The following SOBP variants were observed in gnomAD, a reference collection of about 807,000 sequenced individuals.
SOBP encodes sine oculis binding protein homolog.
Under a neutral mutation model 53.6 loss-of-function variants are expected in SOBP, and 4 were observed. The observed-to-expected ratio is 0.07, with a 90% CI of 0.04 to 0.17. The LOEUF (loss-of-function observed/expected upper bound fraction) is 0.17, where lower values mean the gene tolerates loss of function less well. Among genes scored for constraint, SOBP ranks in the 10% least tolerant of loss-of-function variants. SOBP has a pLI of 1.00. For synonymous variants in SOBP, 584 were observed against 522.6 expected (o/e 1.12, Z -1.60); for missense variants, 1,088 against 1,204.7 (o/e 0.90, Z 1.43).
chr6:107,631,528 G>A (rs534837610), intron 5 of SOBP, among the ~76,000 whole-genome samples: 92 of 152,240 alleles, frequency 6.0e-4, no homozygotes, highest in African/African-American at 2.2e-3. Context: ...TGAAAAATTT[G>A]AGGGTCTGAT....
At chr6:107,548,458 G>A (rs957738048) in intron 4 of SOBP, among the ~76,000 whole-genome samples, 13 of 152,022 alleles carry the variant, frequency 8.6e-5, no homozygotes, top group Admixed American at 2.6e-4. Flanking sequence ...TAGCCAGGAT[G>A]GTCTCCATCT....
chr6:107,563,397 A>G (rs1338863317), intron 4 of SOBP, among the ~76,000 whole-genome samples: 1 of 152,242 alleles, frequency 6.6e-6, no homozygotes, highest in Non-Finnish European at 1.5e-5. Flanking sequence ...CATTTTTATG[A>G]TTAGGAAATT....
At chr6:107,587,731 C>T (rs1446992191) in intron 5 of SOBP, among the ~76,000 whole-genome samples, 1 of 152,154 alleles carries the variant, frequency 6.6e-6, no homozygotes, top group Non-Finnish European at 1.5e-5. Flanking sequence ...GGGAGGATAT[C>T]AGCTGTGACA....
intron 4 of SOBP, among the ~76,000 whole-genome samples, chr6:107,581,255 C>G (rs902596760): frequency 6.6e-6 from 1 of 152,156 alleles, no homozygotes; most frequent in Non-Finnish European, 1.5e-5. Context: ...TGATGGCTTC[C>G]TAAAGGAGCT....
intron 2 of SOBP, among the ~76,000 whole-genome samples, chr6:107,504,865 G>C (rs994199211): frequency 6.6e-6 from 1 of 152,192 alleles, no homozygotes; most frequent in East Asian, 1.9e-4. Flanking sequence ...AATGAAAAAT[G>C]CAAGTCATGA....
chr6:107,505,489 T>G (rs1371133223), intron 2 of SOBP, among the ~76,000 whole-genome samples: 3 of 151,238 alleles, frequency 2.0e-5, no homozygotes, highest in Non-Finnish European at 4.4e-5. Context: ...GTCTGGCTGA[T>G]TTTTGTATTT....
intron 3 of SOBP, among the ~76,000 whole-genome samples, chr6:107,507,862 G>A (rs1783043344): frequency 1.3e-5 from 2 of 151,754 alleles, no homozygotes; most frequent in Non-Finnish European, 2.9e-5. Context: ...TATATTTCCA[G>A]AAAATTAGAT....
At chr6:107,587,763 G>A (rs1385000065) in intron 5 of SOBP, among the ~76,000 whole-genome samples, 3 of 152,168 alleles carry the variant, frequency 2.0e-5, no homozygotes, top group African/African-American at 7.2e-5. Flanking sequence ...TTCCAATGCA[G>A]GGTTAATTTG....
rs1210204094 is a variant in SOBP, at chr6:107,635,276, A to G, written c.2432A>G (p.Asp811Gly). Reference protein sequence around the residue: ...KSDPNLNNPADEDHAYALRML... With the variant: ...KSDPNLNNPAGEDHAYALRML... ...GACCCGAACCTTAATAACCCCGCGG[A>G]CGAGGACCATGCCTATGCTCTGCGG... Residue 811 changes from aspartate (D) to glycine (G), a missense_variant, in exon 6 of 7, where the codon GAC becomes GGC. Physicochemically the swap from Asp to Gly is moderately conservative, Grantham distance 94. Transcript: ENST00000317357. This position sits in a 1 kb window ranked among gnomAD's most constrained non-coding sequence, Gnocchi z 4.5. 1 of 1,613,834 alleles carries G rather than the reference A, an allele frequency of 6.2e-7. No individual in the cohort carries two copies. Among genetic ancestry groups the G allele is most frequent in the East Asian group, 2.2e-5 (1 of 44,848 alleles).
chr6:107,591,968 G>GTTTTTTTTTT (rs56210027), intron 5 of SOBP, among the ~76,000 whole-genome samples: 5 of 88,632 alleles, frequency 5.6e-5, no homozygotes, highest in Non-Finnish European at 8.9e-5. Context: ...GTCTTTTGGT[G>GTTTTTTTTTT]TTTTTTTTTT....
intron 1 of SOBP, among the ~76,000 whole-genome samples, chr6:107,494,008 A>G (rs924086693): frequency 6.6e-6 from 1 of 152,260 alleles, no homozygotes; most frequent in Non-Finnish European, 1.5e-5. Flanking sequence ...GCTTGCTTGT[A>G]GTGTACTCCC....
chr6:107,630,449 G>T (rs1276105112), intron 5 of SOBP, among the ~76,000 whole-genome samples: 1 of 152,178 alleles, frequency 6.6e-6, no homozygotes, highest in African/African-American at 2.4e-5. Context: ...TAAGTAATCA[G>T]TTCAGGCTCT....
At chr6:107,573,062 G>A (rs1341673012) in intron 4 of SOBP, among the ~76,000 whole-genome samples, 1 of 152,182 alleles carries the variant, frequency 6.6e-6, no homozygotes, top group Admixed American at 6.5e-5. Context: ...ACATACAAAG[G>A]AAACAAAACA....
At chr6:107,618,197 G>A (rs1208255051) in intron 5 of SOBP, among the ~76,000 whole-genome samples, 1 of 152,180 alleles carries the variant, frequency 6.6e-6, no homozygotes, top group South Asian at 2.1e-4. Context: ...TGACTGTACA[G>A]TGTGAACAGG....
intron 4 of SOBP, among the ~76,000 whole-genome samples, chr6:107,553,972 G>C (rs1562609866): frequency 6.6e-6 from 1 of 152,134 alleles, no homozygotes; most frequent in Admixed American, 6.5e-5. Flanking sequence ...TACAAACAAG[G>C]TTTCTTCCCT....
chr6:107,598,506 G>A (rs142085939), intron 5 of SOBP, among the ~76,000 whole-genome samples: 5 of 152,326 alleles, frequency 3.3e-5, no homozygotes, highest in South Asian at 2.1e-4. Flanking sequence ...CTGTGCTAGC[G>A]TCATTCTGTG....
chr6:107,546,682 G>T lies in SOBP; in HGVS notation c.573+13072G>T, dbSNP rs139861970. ...GACAGAACAGTACAAAGTTTGCAGGGTCACTATTTGAGGAGGCTCCTTTGA... is the reference window on the plus strand; with the variant it reads ...GACAGAACAGTACAAAGTTTGCAGGTTCACTATTTGAGGAGGCTCCTTTGA... On this transcript the variant is annotated intron_variant, in intron 4 of 6. Coordinates refer to ENST00000317357, the MANE Select transcript of SOBP (RefSeq NM_018013.4). 2.7e-3 allele frequency among the ~76,000 whole-genome samples: 418 copies of T among 152,288 alleles called. 3 individuals carry two copies. The highest frequency in any genetic ancestry group is 9.6e-3 in the African/African-American group (399 of 41,552).
At chr6:107,512,008 C>T (rs147989248) in intron 3 of SOBP, among the ~76,000 whole-genome samples, 1 of 151,708 alleles carries the variant, frequency 6.6e-6, no homozygotes. Context: ...TAATCACAGA[C>T]TTTTTTGCAG....
intron 6 of SOBP, among the ~76,000 whole-genome samples, chr6:107,649,184 A>T (rs1365230296): frequency 1.3e-5 from 2 of 150,234 alleles, no homozygotes; most frequent in Non-Finnish European, 3.0e-5. Flanking sequence ...AAAAAAAAAA[A>T]AAAAAACCAT....
Sources: gnomAD v4.1 joint callset for allele counts (sites outside exome capture counted in the v4.1 genomes callset) on GRCh38, gnomAD v4.1.1 for gene constraint, Gnocchi (gnomAD v3.1) non-coding constraint, MANE v1.5 for transcripts, NCBI Gene and HGNC (gene_info 2026-07-23, HGNC 2026-07-21) for gene names.